Variants in ESYT3 observed in about 807,000 individuals in gnomAD.
ESYT3 encodes the protein extended synaptotagmin 3, also known as extended synaptotagmin-3.
Under a neutral mutation model 111.5 loss-of-function variants are expected in ESYT3, and 101 were observed. The observed-to-expected ratio is 0.91, with a 90% confidence interval of 0.77 to 1.07. The LOEUF (loss-of-function observed/expected upper bound fraction) is 1.07. ESYT3 is among the 50% of genes least tolerant of loss of function. ESYT3 has a pLI of 0.00. For synonymous variants in ESYT3, 416 were observed against 446.8 expected (o/e 0.93, Z 0.87); for missense variants, 1,097 against 1,109.4 (o/e 0.99, Z 0.16).
chr3:138,469,938 A>C, intron 15 of ESYT3, 122 bp from the exon 16 acceptor site: 3 of 726,004 alleles, frequency 4.1e-6, no homozygotes, highest in Non-Finnish European at 6.7e-6. Flanking sequence ...TTTGGGTCTG[A>C]TCCCAGGGCA....
intron 1 of ESYT3, among the ~76,000 whole-genome samples, chr3:138,448,155 T>C (rs959540469): frequency 2.7e-5 from 4 of 150,694 alleles, no homozygotes; most frequent in Admixed American, 1.3e-4. Context: ...TAATCCCAGC[T>C]ACTCGGGAGG....
chr3:138,478,531 C>T lies in ESYT3; in HGVS notation c.*1677C>T, dbSNP rs2033588178. 6.6e-6 allele frequency: 1 copy of T among 152,174 alleles called. No individual in the cohort carries two copies. The highest frequency in any genetic ancestry group is 1.5e-5 in the Non-Finnish European group (1 of 68,032). 9.4% of individuals were successfully genotyped at this position (152,174 alleles called of 1,614,324 possible). On this transcript the variant is annotated 3_prime_UTR_variant, in exon 23 of 23. Transcript: ENST00000389567. ...CATATGTACATCGAAACATTAGCAACCCTAAAACAGCTAATCAAAATGGCA... is the reference window on the plus strand; with the variant it reads ...CATATGTACATCGAAACATTAGCAATCCTAAAACAGCTAATCAAAATGGCA...
intron 3 of ESYT3, among the ~76,000 whole-genome samples, chr3:138,456,539 C>T (rs1354457764): frequency 6.6e-6 from 1 of 152,172 alleles, no homozygotes; most frequent in Non-Finnish European, 1.5e-5. Flanking sequence ...CAGAGGTCCC[C>T]AACTCTCGGT....
intron 17 of ESYT3, 28 bp from the exon 18 acceptor site, chr3:138,472,335 C>T: frequency 6.2e-7 from 1 of 1,603,950 alleles, no homozygotes. Context: ...TGACTCAGCT[C>T]ATAAGCCACC....
In ESYT3 at chr3:138,440,288, C is replaced by G. The variant is rs2031051581; in HGVS notation, c.327+5163C>G. 6.6e-6 allele frequency among the ~76,000 whole-genome samples: 1 copy of G among 152,198 alleles called. No homozygotes were observed. Among genetic ancestry groups the G allele is most frequent in the South Asian group, 2.1e-4 (1 of 4,834 alleles). On this transcript the variant is annotated intron_variant, in intron 1 of 22. Transcript: ENST00000389567. The surrounding 1 kb of genome is among the most constrained non-coding windows in gnomAD (Gnocchi z 4.2). ...CAGAGCAGTGGTCCCTGGGATTGCTCCCTCCAAGCCTCCCTGCCAGCCACT... is the reference window on the plus strand; with the variant it reads ...CAGAGCAGTGGTCCCTGGGATTGCTGCCTCCAAGCCTCCCTGCCAGCCACT...
chr3:138,464,477 T>G lies in ESYT3; in HGVS notation c.1048T>G (p.Tyr350Asp), dbSNP rs2032821184. 2.5e-6 allele frequency: 4 copies of G among 1,614,152 alleles called. No homozygotes were observed. The highest frequency in any genetic ancestry group is 3.4e-6 in the Non-Finnish European group (4 of 1,180,022). The change falls in exon 9 of 23, where the codon TAC becomes GAC. Residue 350 changes from tyrosine (Y) to aspartate (D), a missense_variant. Coordinates refer to ENST00000389567, the MANE Select transcript of ESYT3 (RefSeq NM_031913.5). ...GLQHFRSRTI[Y>D]RNLNPTWNEV... ...ACAGCATTTCCGGAGTAGGACCATC[T>G]ACAGGAACCTGAACCCCACCTGGAA...
intron 10 of ESYT3, among the ~76,000 whole-genome samples, chr3:138,466,070 C>A (rs2108621548): frequency 6.6e-6 from 1 of 152,286 alleles, no homozygotes; most frequent in East Asian, 1.9e-4. Context: ...CTCTGAAAAA[C>A]AAGTGGAATC....
chr3:138,480,846 T>C (rs1033300194), downstream of ESYT3: 1 of 152,272 alleles, frequency 6.6e-6, no homozygotes, highest in East Asian at 1.9e-4. Context: ...CCAAAGTTCA[T>C]TTTCAAGCTG....
intron 5 of ESYT3, 44 bp downstream of exon 5, chr3:138,459,297 G>T: frequency 3.4e-6 from 5 of 1,474,346 alleles, no homozygotes; most frequent in Non-Finnish European, 4.6e-6. Context: ...AGCCCCCAGG[G>T]TGGGGATCAG....
Position 138,452,961 on chromosome 3 carries a change from A to G in ESYT3, c.369+872A>G, listed in dbSNP as rs542587113. ...CTAGCCGGGCATGGTAGCACACACCAGGGTCACAACTCCTTGAGAGGCTGA... is the reference window on the plus strand; with the variant it reads ...CTAGCCGGGCATGGTAGCACACACCGGGGTCACAACTCCTTGAGAGGCTGA... On this transcript the variant is annotated intron_variant, in intron 2 of 22. Coordinates refer to ENST00000389567, the MANE Select transcript of ESYT3 (RefSeq NM_031913.5). Among the ~76,000 whole-genome samples the G allele has an allele frequency of 2.1e-3, 321 of 152,310 alleles. 8 individuals carry two copies. The South Asian group carries it at 0.058, about 27-fold the overall frequency.
intron 1 of ESYT3, among the ~76,000 whole-genome samples, chr3:138,441,644 A>C (rs1546758): frequency 0.17 from 25,083 of 151,638 alleles, 4,776 homozygotes; most frequent in African/African-American, 0.45. Context: ...CCCTCCCACT[A>C]CTCCCAGCAG....
Position 138,435,147 on chromosome 3 carries a change from T to TG in ESYT3, c.327+25dup, listed in dbSNP as rs1386990418. The TG allele has an allele frequency of 1.9e-6, 3 of 1,543,596 alleles. No individual in the cohort carries two copies. The highest frequency in any genetic ancestry group is 2.6e-6 in the Non-Finnish European group (3 of 1,145,622). On this transcript the variant is annotated intron_variant, in intron 1 of 22. Transcript: ENST00000389567. The surrounding 1 kb of genome is among the most constrained non-coding windows in gnomAD (Gnocchi z 4.8). ...CTGGGTGAGCCAAGCCGGGTGGGAG[T>TG]GGGAGGTGGGGAGATGCCTTTCGAG...
chr3:138,446,327 T>G (rs973489700), intron 1 of ESYT3, among the ~76,000 whole-genome samples: 4 of 152,202 alleles, frequency 2.6e-5, no homozygotes, highest in African/African-American at 9.6e-5. Context: ...CAGGCTTGGG[T>G]CTCCGTTCTA....
chr3:138,472,844 T>A lies in ESYT3; in HGVS notation c.2222T>A (p.Ile741Asn). ...TCTTCTTGCTTTGACCTGGCAGATA[T>A]CAGCCTCAACATTGAGTATGCACCT... Reference protein sequence around the residue: ...LASSCFDLADISLNIEGGDLR... With the variant: ...LASSCFDLADNSLNIEGGDLR... The change falls in exon 18 of 23, where the codon ATC becomes AAC. Residue 741 changes from isoleucine (I) to asparagine (N), a missense_variant. Physicochemically the swap from Ile to Asn is moderately radical, Grantham distance 149. Coordinates refer to ENST00000389567, the MANE Select transcript of ESYT3 (RefSeq NM_031913.5). 1.2e-6 allele frequency: 2 copies of A among 1,614,048 alleles called. No homozygotes were observed. The highest frequency in any genetic ancestry group is 1.7e-6 in the Non-Finnish European group (2 of 1,179,948).
intron 3 of ESYT3, 108 bp downstream of exon 3, chr3:138,455,436 C>A: frequency 7.9e-7 from 1 of 1,258,112 alleles, no homozygotes; most frequent in Non-Finnish European, 1.1e-6. Context: ...CTGCAGAGAT[C>A]CCACTGGACC....
downstream of ESYT3, chr3:138,479,943 T>C (rs1407413819): frequency 1.3e-5 from 2 of 152,238 alleles, no homozygotes; most frequent in East Asian, 3.8e-4. Context: ...AAGTTTTTCA[T>C]GTTTGGTTAC....
At position 138,472,297 on chromosome 3, in the gene ESYT3, G is replaced by T. The variant is rs901641087; in HGVS notation, c.1741-66G>T. The T allele has an allele frequency of 6.4e-6, 10 of 1,558,044 alleles. No homozygotes were observed. In the South Asian group the frequency reaches 1.0e-4, roughly 16 times the overall value. On this transcript the variant is annotated intron_variant, in intron 17 of 22. Coordinates refer to ENST00000389567, the MANE Select transcript of ESYT3 (RefSeq NM_031913.5). ...ACAACTGAGGGGAAAGGGGGAACGG[G>T]AAACAATGGCTGAGGTTGTGGAAGT...
At chr3:138,470,640 T>G in intron 16 of ESYT3, 4 of 1,275,294 alleles carry the variant, frequency 3.1e-6, no homozygotes, top group East Asian at 3.2e-5. Context: ...GCTCTGGGCA[T>G]TTGACAGACT....
At chr3:138,474,029 G>T (rs2033367629) in intron 19 of ESYT3, among the ~76,000 whole-genome samples, 192 bp from the exon 20 acceptor site, 1 of 152,146 alleles carries the variant, frequency 6.6e-6, no homozygotes, top group Non-Finnish European at 1.5e-5. Context: ...AATTCTACAG[G>T]CTATTACTTT....
Sources: gnomAD v4.1 joint callset for allele counts (sites outside exome capture counted in the v4.1 genomes callset) on GRCh38, gnomAD v4.1.1 for gene constraint, Gnocchi (gnomAD v3.1) non-coding constraint, MANE v1.5 for transcripts, NCBI Gene and HGNC (gene_info 2026-07-23, HGNC 2026-07-21) for gene names.